Variants in RNF150 observed in about 807,000 individuals in gnomAD.
RNF150 encodes ring finger protein 150.
Under a neutral mutation model 39.3 loss-of-function variants are expected in RNF150, and 24 were observed. The ratio of observed to expected loss-of-function variants is 0.61; its 90% CI spans 0.44 to 0.86. The LOEUF is 0.86. RNF150 is among the 40% of genes least tolerant of loss of function. RNF150 has a pLI of 0.00. For missense variants in RNF150, 502 were observed against 587.8 expected, an observed-to-expected ratio of 0.85 and a Z score of 1.51; for synonymous variants, 255 against 227.3, an observed-to-expected ratio of 1.12 and a Z score of -1.10.
chr4:140,900,616 A>T (rs2113981), intron 6 of RNF150, among the ~76,000 whole-genome samples: 87,845 of 151,930 alleles, frequency 0.58, 26,105 homozygotes, highest in East Asian at 0.89. Context: ...TTAGGATACA[A>T]TCTAGAGCTC....
In RNF150 at chr4:141,094,538, C is replaced by T. The variant is rs10454796; in HGVS notation, c.484+37787G>A. Among the ~76,000 whole-genome samples, 712 of 152,222 alleles carry T rather than the reference C, an allele frequency of 4.7e-3. 2 individuals carry two copies. The highest frequency in any genetic ancestry group is 7.4e-3 in the Non-Finnish European group (502 of 68,016). On this transcript the variant is annotated intron_variant, in intron 1 of 6. Transcript: ENST00000515673. ...TAACATATTCTTATTTTGTTGTTAC[C>T]GTGGTAGTGGATTTGTTTTTTAATA... is the stretch of plus-strand genomic sequence containing the variant.
chr4:140,975,007 G>A lies in RNF150; in HGVS notation c.485-7134C>T, dbSNP rs1733609295. Among the ~76,000 whole-genome samples, 4 of 152,108 alleles carry A rather than the reference G, an allele frequency of 2.6e-5. No individual in the cohort carries two copies. The South Asian group carries it at 8.3e-4, about 32-fold the overall frequency. On this transcript the variant is annotated intron_variant, in intron 1 of 6. Coordinates refer to ENST00000515673, the MANE Select transcript of RNF150 (RefSeq NM_020724.2). Reference sequence around the variant, plus strand: ...ATGGGGTCTCACACCTGTAATCTCAGCACTTTGGGAGGCCAAGGCAGGAGG... The same window carrying A: ...ATGGGGTCTCACACCTGTAATCTCAACACTTTGGGAGGCCAAGGCAGGAGG...
chr4:140,973,752 CTGTAATCCCAGCT>C lies in RNF150; in HGVS notation c.485-5892_485-5880del, dbSNP rs374740406. On this transcript the variant is annotated intron_variant, in intron 1 of 6. Coordinates refer to ENST00000515673, the MANE Select transcript of RNF150 (RefSeq NM_020724.2). The stretch of plus-strand genomic sequence containing the variant: ...ATTAGACGGGGATGGTGGCGTGTGC[CTGTAATCCCAGCT>C]ACTTGGGAGGCTGAGGCAGGAGAAT... 4.6e-3 allele frequency among the ~76,000 whole-genome samples: 705 copies of C among 151,654 alleles called. 4 individuals carry two copies. Among genetic ancestry groups the C allele is most frequent in the African/African-American group, 0.016 (668 of 41,348 alleles).
intron 1 of RNF150, among the ~76,000 whole-genome samples, chr4:140,971,040 T>C (rs1186692095): frequency 2.0e-5 from 3 of 152,108 alleles, no homozygotes; most frequent in Non-Finnish European, 4.4e-5. Flanking sequence ...TAAAACAAAG[T>C]GGATTTGGAT....
intron 4 of RNF150, among the ~76,000 whole-genome samples, chr4:140,937,670 T>G (rs1431396633): frequency 6.6e-6 from 1 of 151,662 alleles, no homozygotes; most frequent in African/African-American, 2.4e-5. Context: ...TTTAAAAACA[T>G]ACAAATATTT....
intron 1 of RNF150, among the ~76,000 whole-genome samples, chr4:141,039,361 G>A (rs556934082): frequency 5.3e-5 from 8 of 150,454 alleles, no homozygotes; most frequent in Admixed American, 2.0e-4. Flanking sequence ...AGAAAGGGGA[G>A]GAAGGAGGTA....
At chr4:141,114,311 T>G (rs1387418210) in intron 1 of RNF150, among the ~76,000 whole-genome samples, 1 of 151,264 alleles carries the variant, frequency 6.6e-6, no homozygotes, top group Non-Finnish European at 1.5e-5. Context: ...GACACAAAAA[T>G]GACGAGGATA....
chr4:140,876,477 C>T (rs1729159517), intron 6 of RNF150, among the ~76,000 whole-genome samples: 2 of 152,140 alleles, frequency 1.3e-5, no homozygotes, highest in South Asian at 4.1e-4. Flanking sequence ...TATGTTTTCC[C>T]ATTTATGAGT....
chr4:141,021,957 C>T (rs761976330), intron 1 of RNF150, among the ~76,000 whole-genome samples: 10 of 152,174 alleles, frequency 6.6e-5, no homozygotes, highest in Non-Finnish European at 1.0e-4. Context: ...CTTGCTTGCC[C>T]CTGCAACCAA....
intron 1 of RNF150, among the ~76,000 whole-genome samples, chr4:141,004,241 A>G (rs1579046050): frequency 1.3e-5 from 2 of 152,018 alleles, no homozygotes; most frequent in South Asian, 4.1e-4. Context: ...AAAAAAAAAA[A>G]AAACTCCACC....
intron 3 of RNF150, 119 bp from the exon 4 acceptor site, chr4:140,947,855 G>C (rs1732383850): frequency 6.7e-6 from 4 of 598,302 alleles, no homozygotes; most frequent in Middle Eastern, 2.5e-4. Flanking sequence ...GCTGGTGCCA[G>C]TTTTTAAATC....
At chr4:140,901,152 T>C (rs1730172183) in intron 6 of RNF150, among the ~76,000 whole-genome samples, 1 of 152,214 alleles carries the variant, frequency 6.6e-6, no homozygotes, top group African/African-American at 2.4e-5. Context: ...CATTTGGTTT[T>C]ATGATATTAG....
intron 1 of RNF150, among the ~76,000 whole-genome samples, chr4:140,989,725 T>C (rs1734131883): frequency 1.3e-5 from 2 of 152,026 alleles, no homozygotes; most frequent in Admixed American, 1.3e-4. Flanking sequence ...AAGGACCAAA[T>C]CACTATCCTT....
At chr4:141,186,595 C>T (rs1728017160) in intron 1 of RNF150, among the ~76,000 whole-genome samples, 1 of 151,196 alleles carries the variant, frequency 6.6e-6, no homozygotes, top group Non-Finnish European at 1.5e-5. Context: ...TTAGTAGAGA[C>T]AGGGTTTCAC....
chr4:141,104,484 A>G (rs1472354690), intron 1 of RNF150, among the ~76,000 whole-genome samples: 1 of 152,198 alleles, frequency 6.6e-6, no homozygotes, highest in Non-Finnish European at 1.5e-5. Flanking sequence ...AGTCAATTAA[A>G]ATACTGCAAG....
chr4:141,087,900 C>G (rs1738427910), intron 1 of RNF150, among the ~76,000 whole-genome samples: 1 of 152,024 alleles, frequency 6.6e-6, no homozygotes, highest in East Asian at 1.9e-4. Context: ...GTCTGGTAAT[C>G]AAGGCATCCT....
At chr4:141,196,956 GA>G (rs1728211167) in intron 1 of RNF150, among the ~76,000 whole-genome samples, 3 of 152,226 alleles carry the variant, frequency 2.0e-5, no homozygotes, top group Admixed American at 2.0e-4. Flanking sequence ...GTGCCAAGGT[GA>G]AGTTTTGCTC....
intron 1 of RNF150, among the ~76,000 whole-genome samples, chr4:141,155,563 T>C (rs1237476209): frequency 2.0e-5 from 3 of 152,152 alleles, no homozygotes; most frequent in African/African-American, 7.2e-5. Context: ...AAACAGGGTA[T>C]AGCAGGACTA....
chr4:141,027,235 C>G (rs535966495), intron 1 of RNF150, among the ~76,000 whole-genome samples: 1 of 152,278 alleles, frequency 6.6e-6, no homozygotes, highest in East Asian at 1.9e-4. Flanking sequence ...GATTCTGGAA[C>G]CTTCTTGCTT....
Sources: gnomAD v4.1 joint callset for allele counts (sites outside exome capture counted in the v4.1 genomes callset) on GRCh38, gnomAD v4.1.1 for gene constraint, MANE v1.5 for transcripts, NCBI Gene and HGNC (gene_info 2026-07-23, HGNC 2026-07-21) for gene names.